ADRA1B: variants seen among roughly 807,000 people sequenced by gnomAD.
ADRA1B encodes adrenoceptor alpha 1B.
In ADRA1B, 17 loss-of-function variants were observed where a neutral mutation model predicts 17.9. The observed-to-expected ratio is 0.95, with a 90% CI of 0.65 to 1.42. The LOEUF is 1.42. ADRA1B is among the 40% of genes most tolerant of loss of function. The pLI is 0.00. For synonymous variants in ADRA1B, 366 were observed against 327.6 expected, an observed-to-expected ratio of 1.12 and a Z score of -1.27; for missense variants, 681 against 722.1, an observed-to-expected ratio of 0.94 and a Z score of 0.65.
At chr5:159,925,602 TTGGCATCG>T (rs1445648327) in intron 1 of ADRA1B, among the ~76,000 whole-genome samples, 2 of 152,158 alleles carry the variant, frequency 1.3e-5, no homozygotes, top group Admixed American at 1.3e-4. Flanking sequence ...ATCAGGTGAG[TTGGCATCG>T]TGGGCGAGAG....
intron 1 of ADRA1B, among the ~76,000 whole-genome samples, chr5:159,969,100 G>C (rs1010980616): frequency 1.3e-5 from 2 of 152,170 alleles, no homozygotes; most frequent in Admixed American, 6.5e-5. Flanking sequence ...AAATCTAATG[G>C]TGTGAGTCTT....
Position 159,948,254 on chromosome 5 carries a change from G to A in ADRA1B, c.950-23625G>A, listed in dbSNP as rs890178721. 1.8e-5 allele frequency: 18 copies of A among 985,276 alleles called. No homozygotes were observed. In the East Asian group the frequency reaches 1.0e-3, roughly 56 times the overall value. 61.0% of individuals were successfully genotyped at this position (985,276 alleles called of 1,614,324 possible). A position where few individuals can be genotyped will look rare whatever the true frequency, so the allele number is the denominator to read the frequency against. On this transcript the variant is annotated intron_variant, in intron 1 of 1. Transcript: ENST00000306675. ...GCACAGATTATTTTGTGAAAGCTCCGCAGGTTAAGAAGCTGGACCTTTTCA... is the reference window on the plus strand; with the variant it reads ...GCACAGATTATTTTGTGAAAGCTCCACAGGTTAAGAAGCTGGACCTTTTCA...
intron 1 of ADRA1B, among the ~76,000 whole-genome samples, chr5:159,890,135 G>A (rs562641285): frequency 5.4e-4 from 82 of 152,248 alleles, no homozygotes; most frequent in African/African-American, 1.8e-3. Flanking sequence ...AGTAGACACC[G>A]AGTTGTTTTT....
intron 1 of ADRA1B, among the ~76,000 whole-genome samples, chr5:159,964,128 G>T (rs566852357): frequency 6.6e-6 from 1 of 152,206 alleles, no homozygotes; most frequent in South Asian, 2.1e-4. Context: ...ACAAGAAACC[G>T]TGAGTCACAT....
At chr5:159,957,024 C>T (rs984998449) in intron 1 of ADRA1B, among the ~76,000 whole-genome samples, 1 of 151,976 alleles carries the variant, frequency 6.6e-6, no homozygotes, top group African/African-American at 2.4e-5. Context: ...AGGCATGCAC[C>T]ACCACGCCCA....
intron 1 of ADRA1B, among the ~76,000 whole-genome samples, chr5:159,936,251 C>T (rs949255105): frequency 6.6e-6 from 1 of 152,170 alleles, no homozygotes; most frequent in African/African-American, 2.4e-5. Context: ...TTACCCAACC[C>T]AACATGTCAA....
intron 1 of ADRA1B, among the ~76,000 whole-genome samples, chr5:159,906,379 C>T (rs1248192702): frequency 6.6e-6 from 1 of 152,184 alleles, no homozygotes; most frequent in Non-Finnish European, 1.5e-5. Context: ...AAACATTCAA[C>T]CATTTTACAG....
chr5:159,917,594 C>T lies in ADRA1B; in HGVS notation c.689C>T (p.Ala230Val). 6.2e-7 allele frequency: 1 copy of T among 1,613,976 alleles called. No homozygotes were observed. The highest frequency in any genetic ancestry group is 1.1e-5 in the South Asian group (1 of 91,056). ...LVMYCRVYIV[A>V]KRTTKNLEAG... ...ATGTACTGCCGTGTCTATATAGTGG[C>T]CAAGAGAACCACCAAGAACCTAGAG... is the stretch of plus-strand genomic sequence containing the variant. Residue 230 changes from alanine to valine, a missense_variant, in exon 1 of 2, where the codon GCC becomes GTC. Physicochemically the swap from Ala to Val is moderately conservative, Grantham distance 64. This residue lies in a region of ADRA1B where 424 missense variants were observed against 480.2 expected (regional missense o/e 0.88). Coordinates refer to ENST00000306675, the MANE Select transcript of ADRA1B (RefSeq NM_000679.4).
intron 1 of ADRA1B, among the ~76,000 whole-genome samples, chr5:159,946,505 G>A (rs1324616481): frequency 1.3e-5 from 2 of 152,124 alleles, no homozygotes; most frequent in Admixed American, 1.3e-4. Flanking sequence ...TCCATCTCTG[G>A]CATTCCAAGT....
chr5:159,882,793 AT>A (rs1205507284), intron 1 of ADRA1B, among the ~76,000 whole-genome samples: 5 of 152,140 alleles, frequency 3.3e-5, no homozygotes, highest in African/African-American at 1.2e-4. Context: ...CAATTAGTTA[AT>A]TGGCAAAGGG....
chr5:159,871,360 C>G (rs1753737327), intron 1 of ADRA1B: 1 of 152,150 alleles, frequency 6.6e-6, no homozygotes, highest in African/African-American at 2.4e-5. Context: ...AACAAAGCAC[C>G]ACAAACTCGA....
At chr5:159,926,344 C>T (rs963874599) in intron 1 of ADRA1B, among the ~76,000 whole-genome samples, 36 of 152,236 alleles carry the variant, frequency 2.4e-4, no homozygotes, top group African/African-American at 8.7e-4. Flanking sequence ...GTTTATGGTG[C>T]TTGTCATGTT....
At chr5:159,967,476 T>C (rs1440113291) in intron 1 of ADRA1B, among the ~76,000 whole-genome samples, 3 of 152,342 alleles carry the variant, frequency 2.0e-5, no homozygotes, top group African/African-American at 4.8e-5. Flanking sequence ...ATTTTCAAGA[T>C]GTCAGACTCT....
chr5:159,926,285 T>G (rs1439622046), intron 1 of ADRA1B, among the ~76,000 whole-genome samples: 1 of 152,172 alleles, frequency 6.6e-6, no homozygotes, highest in Non-Finnish European at 1.5e-5. Flanking sequence ...CGCGAAGTCT[T>G]CCTGGATCCC....
chr5:159,966,611 T>C (rs1210656964), intron 1 of ADRA1B, among the ~76,000 whole-genome samples: 3 of 151,904 alleles, frequency 2.0e-5, no homozygotes. Context: ...ACCAAACAAG[T>C]GAGGATTAAA....
intron 1 of ADRA1B, among the ~76,000 whole-genome samples, chr5:159,955,938 C>G (rs1755543117): frequency 2.0e-5 from 3 of 152,096 alleles, no homozygotes; most frequent in Admixed American, 6.5e-5. Context: ...CTCTCTCTCT[C>G]TGATTACCAA....
chr5:159,969,746 G>T (rs1755834825), intron 1 of ADRA1B, among the ~76,000 whole-genome samples: 1 of 152,122 alleles, frequency 6.6e-6, no homozygotes. Context: ...GATACAAAAT[G>T]TTCTAGAAAG....
At chr5:159,899,738 T>C (rs577814363) in intron 1 of ADRA1B, among the ~76,000 whole-genome samples, 1 of 152,358 alleles carries the variant, frequency 6.6e-6, no homozygotes, top group South Asian at 2.1e-4. Flanking sequence ...AACTGGACTG[T>C]AAAGATGGGT....
rs1398114534 is a variant in ADRA1B, at chr5:159,917,516, C to T, written c.611C>T (p.Ala204Val). 6.2e-7 allele frequency: 1 copy of T among 1,614,022 alleles called. No individual in the cohort carries two copies. Among genetic ancestry groups the T allele is most frequent in the Admixed American group, 1.7e-5 (1 of 60,018 alleles). The change falls in exon 1 of 2, where the codon GCC (alanine) becomes GTC (valine). Residue 204 changes from alanine (A) to valine (V), a missense_variant. By Grantham distance (64) the Ala-to-Val change is moderately conservative. This residue lies in a region of ADRA1B where 424 missense variants were observed against 480.2 expected (regional missense o/e 0.88). Transcript: ENST00000306675. ...ECGVTEEPFYALFSSLGSFYI... is the reference protein window; with the variant it reads ...ECGVTEEPFYVLFSSLGSFYI... ...GGGGTCACCGAAGAACCCTTCTATG[C>T]CCTCTTCTCCTCTCTGGGCTCCTTC...
Sources: gnomAD v4.1 joint callset for allele counts (sites outside exome capture counted in the v4.1 genomes callset) on GRCh38, gnomAD v4.1.1 for gene constraint, gnomAD v4.1.1 regional missense constraint, MANE v1.5 for transcripts, NCBI Gene and HGNC (gene_info 2026-07-23, HGNC 2026-07-21) for gene names.